The following ATP8A1 variants were observed in gnomAD, a reference collection of about 807,000 sequenced individuals.
The protein encoded by ATP8A1 is phospholipid-transporting ATPase IA.
A neutral mutation model predicts 177.7 loss-of-function variants in ATP8A1; 90 were observed. The observed-to-expected ratio is 0.51, with a 90% CI of 0.43 to 0.60. The LOEUF is 0.60. ATP8A1 is among the 20% of genes least tolerant of loss of function. ATP8A1 has a pLI of 0.00. For missense variants in ATP8A1, 1,072 were observed against 1,392.8 expected, an observed-to-expected ratio of 0.77 and a Z score of 3.67; for synonymous variants, 493 against 485.9, an observed-to-expected ratio of 1.01 and a Z score of -0.19.
At position 42,604,949 on chromosome 4, in the gene ATP8A1, A is replaced by AT. The variant is rs529621342; in HGVS notation, c.410-4432dup. Among the ~76,000 whole-genome samples the AT allele has an allele frequency of 1.6e-3, 244 of 152,374 alleles. 1 individual carries two copies. The Middle Eastern group carries it at 0.027, about 17-fold the overall frequency. ...CCACGTATTGTATGATCCCATGTAC[A>AT]TAAGATGCCAAGAACAGACAAATCC... On this transcript the variant is annotated intron_variant, in intron 5 of 36. Transcript: ENST00000381668.
At chr4:42,615,798 A>T (rs922996417) in intron 5 of ATP8A1, among the ~76,000 whole-genome samples, 1 of 152,240 alleles carries the variant, frequency 6.6e-6, no homozygotes, top group Admixed American at 6.5e-5. Context: ...GACTATTGCT[A>T]TGAAGCACTT....
At chr4:42,646,710 G>C (rs534597808) in intron 1 of ATP8A1, among the ~76,000 whole-genome samples, 151 of 152,232 alleles carry the variant, frequency 9.9e-4, no homozygotes, top group African/African-American at 3.5e-3. Flanking sequence ...GTGACATTCT[G>C]AGCTGTCACT....
intron 35 of ATP8A1, among the ~76,000 whole-genome samples, chr4:42,417,370 A>G (rs1713360703): frequency 6.6e-6 from 1 of 151,978 alleles, no homozygotes; most frequent in Admixed American, 6.6e-5. Flanking sequence ...CCTTCTCACT[A>G]AAACCACATT....
chr4:42,525,380 T>C (rs1210873602), intron 20 of ATP8A1, among the ~76,000 whole-genome samples: 1 of 151,950 alleles, frequency 6.6e-6, no homozygotes, highest in Non-Finnish European at 1.5e-5. Context: ...AGCATGTTTA[T>C]GGGACCAGTG....
intron 20 of ATP8A1, among the ~76,000 whole-genome samples, chr4:42,531,013 G>C (rs1372728602): frequency 6.6e-6 from 1 of 152,134 alleles, no homozygotes; most frequent in Admixed American, 6.5e-5. Flanking sequence ...AGTTAAGATT[G>C]CCACCTGGAC....
intron 15 of ATP8A1, among the ~76,000 whole-genome samples, chr4:42,561,118 GAGTGAAGAGGC>G (rs1312616272): frequency 1.3e-5 from 2 of 152,088 alleles, no homozygotes; most frequent in Non-Finnish European, 2.9e-5. Context: ...ATTGGTTTGG[GAGTGAAGAGGC>G]AGCTTGTTAG....
At chr4:42,563,780 T>C (rs1731080614) in intron 15 of ATP8A1, among the ~76,000 whole-genome samples, 1 of 152,200 alleles carries the variant, frequency 6.6e-6, no homozygotes, top group African/African-American at 2.4e-5. Flanking sequence ...GTGTTGAGCC[T>C]GTGGGTACAC....
At chr4:42,624,871 A>G (rs1737880378) in intron 3 of ATP8A1, among the ~76,000 whole-genome samples, 1 of 152,174 alleles carries the variant, frequency 6.6e-6, no homozygotes, top group Non-Finnish European at 1.5e-5. Flanking sequence ...GACTGGTTAC[A>G]TAAGTTACAG....
chr4:42,544,560 A>C (rs1042894368), intron 19 of ATP8A1, among the ~76,000 whole-genome samples: 4 of 152,244 alleles, frequency 2.6e-5, no homozygotes, highest in Non-Finnish European at 5.9e-5. Context: ...CAAATATTTT[A>C]ATACTGTTGA....
chr4:42,649,585 T>C (rs1222835457), intron 1 of ATP8A1, among the ~76,000 whole-genome samples: 1 of 152,208 alleles, frequency 6.6e-6, no homozygotes, highest in African/African-American at 2.4e-5. Flanking sequence ...GCAGTACTTC[T>C]ATCAAGACTC....
intron 23 of ATP8A1, among the ~76,000 whole-genome samples, chr4:42,503,750 G>A (rs1029231291): frequency 2.6e-5 from 4 of 152,060 alleles, no homozygotes; most frequent in East Asian, 1.9e-4. Flanking sequence ...GGAAAAAGAT[G>A]GTGGTAAGGA....
chr4:42,508,149 T>C (rs1724642046), intron 22 of ATP8A1, among the ~76,000 whole-genome samples: 1 of 152,188 alleles, frequency 6.6e-6, no homozygotes, highest in African/African-American at 2.4e-5. Context: ...TTTATTTATT[T>C]TGAGATGGAG....
At chr4:42,485,730 C>T (rs1722130141) in intron 24 of ATP8A1, 62 bp from the exon 25 acceptor site, 15 of 1,384,694 alleles carry the variant, frequency 1.1e-5, no homozygotes, top group Non-Finnish European at 1.4e-5. Context: ...TACTAGGATG[C>T]CTTAAGGATA....
At chr4:42,558,673 G>A (rs1730502150) in intron 15 of ATP8A1, among the ~76,000 whole-genome samples, 1 of 149,480 alleles carries the variant, frequency 6.7e-6, no homozygotes, top group Non-Finnish European at 1.5e-5. Flanking sequence ...TCAGAGAAAA[G>A]GAAGAAAAGA....
intron 22 of ATP8A1, among the ~76,000 whole-genome samples, chr4:42,514,020 C>T (rs1170017411): frequency 6.6e-6 from 1 of 152,148 alleles, no homozygotes; most frequent in African/African-American, 2.4e-5. Context: ...TTTAAAGAGA[C>T]CTAACACCTT....
intron 15 of ATP8A1, among the ~76,000 whole-genome samples, chr4:42,568,723 G>A (rs992748136): frequency 1.3e-5 from 2 of 152,106 alleles, no homozygotes; most frequent in South Asian, 2.1e-4. Flanking sequence ...TAGAATAATC[G>A]TAAGAAACAC....
At chr4:42,420,235 G>A (rs1477484323) in intron 35 of ATP8A1, among the ~76,000 whole-genome samples, 2 of 152,076 alleles carry the variant, frequency 1.3e-5, no homozygotes, top group African/African-American at 4.8e-5. Flanking sequence ...CATCAAGCAC[G>A]AAGCCACTAT....
chr4:42,623,497 C>T (rs1184196760), intron 4 of ATP8A1, among the ~76,000 whole-genome samples: 2 of 152,080 alleles, frequency 1.3e-5, no homozygotes, highest in Non-Finnish European at 2.9e-5. Context: ...ATATACACCA[C>T]GGAATACTAT....
intron 1 of ATP8A1, among the ~76,000 whole-genome samples, chr4:42,644,234 C>T (rs1577771637): frequency 6.6e-6 from 1 of 152,028 alleles, no homozygotes; most frequent in African/African-American, 2.4e-5. Flanking sequence ...TAAATTCCAC[C>T]GGGAAATTCA....
Sources: gnomAD v4.1 joint callset for allele counts (sites outside exome capture counted in the v4.1 genomes callset) on GRCh38, gnomAD v4.1.1 for gene constraint, MANE v1.5 for transcripts, NCBI Gene and HGNC (gene_info 2026-07-23, HGNC 2026-07-21) for gene names.